The following SGCZ variants were observed in gnomAD, a reference collection of about 807,000 sequenced individuals.
The protein encoded by SGCZ is zeta-sarcoglycan.
Under a neutral mutation model 41.3 loss-of-function variants are expected in SGCZ, and 40 were observed. That is an observed-to-expected ratio of 0.97 (90% CI 0.75 to 1.26). SGCZ has a LOEUF of 1.26. SGCZ is among the 50% of genes most tolerant of loss of function. The pLI, the probability that SGCZ is intolerant of heterozygous loss-of-function variation, is 0.00. For synonymous variants in SGCZ, 206 were observed against 137.5 expected (o/e 1.50, Z -3.49); for missense variants, 552 against 369.8 (o/e 1.49, Z -4.04).
At chr8:14,947,845 T>C (rs940629334) in intron 1 of SGCZ, among the ~76,000 whole-genome samples, 10 of 152,200 alleles carry the variant, frequency 6.6e-5, no homozygotes, top group African/African-American at 1.4e-4. Context: ...GTTTGCCTTA[T>C]AGGCAGCTAC....
At chr8:14,290,376 A>C (rs548679863) in intron 3 of SGCZ, among the ~76,000 whole-genome samples, 1 of 152,262 alleles carries the variant, frequency 6.6e-6, no homozygotes, top group Non-Finnish European at 1.5e-5. Context: ...ACAGCAAGAA[A>C]ATAATGCACA....
intron 6 of SGCZ, among the ~76,000 whole-genome samples, chr8:14,104,313 A>G (rs1176276293): frequency 6.6e-6 from 1 of 152,146 alleles, no homozygotes; most frequent in East Asian, 1.9e-4. Flanking sequence ...ATTATGGCAG[A>G]GAGAAGGATA....
At chr8:14,490,906 T>A (rs1287163517) in intron 2 of SGCZ, among the ~76,000 whole-genome samples, 1 of 152,198 alleles carries the variant, frequency 6.6e-6, no homozygotes, top group East Asian at 1.9e-4. Context: ...GGAGCTAAAA[T>A]CTTAAGTGCT....
chr8:14,121,311 T>C (rs1802689133), intron 5 of SGCZ, among the ~76,000 whole-genome samples: 1 of 152,106 alleles, frequency 6.6e-6, no homozygotes, highest in Non-Finnish European at 1.5e-5. Flanking sequence ...ATAGCTGAGA[T>C]AAAATGTTAT....
At chr8:15,017,871 C>T (rs1803098047) in intron 1 of SGCZ, among the ~76,000 whole-genome samples, 1 of 152,106 alleles carries the variant, frequency 6.6e-6, no homozygotes, top group Non-Finnish European at 1.5e-5. Flanking sequence ...ACTGGTTTCT[C>T]ACAAATGCTC....
At position 14,086,509 on chromosome 8, in the gene SGCZ, A is replaced by G. The variant is rs1801526783; in HGVS notation, c.*3934T>C. Reference sequence around the variant, plus strand: ...AACAGTTCAGCAATTAACCTCTGTGATCACATTATCATTTCTTCAAAAGAT... The same window carrying G: ...AACAGTTCAGCAATTAACCTCTGTGGTCACATTATCATTTCTTCAAAAGAT... On this transcript the variant is annotated 3_prime_UTR_variant, in exon 8 of 8. Transcript: ENST00000382080. Among the ~76,000 whole-genome samples the G allele has an allele frequency of 1.3e-5, 2 of 151,762 alleles. No individual in the cohort carries two copies. The highest frequency in any genetic ancestry group is 3.0e-5 in the Non-Finnish European group (2 of 67,756).
intron 1 of SGCZ, among the ~76,000 whole-genome samples, chr8:14,581,810 A>T (rs79421683): frequency 0.021 from 3,232 of 152,070 alleles, 123 homozygotes; most frequent in African/African-American, 0.073. Flanking sequence ...AAACTGAAGT[A>T]TACTACTTCA....
intron 1 of SGCZ, among the ~76,000 whole-genome samples, chr8:14,800,636 C>T (rs1405081882): frequency 6.6e-6 from 1 of 152,052 alleles, no homozygotes; most frequent in Non-Finnish European, 1.5e-5. Flanking sequence ...GGTGTTTCCA[C>T]CTTCTCTCTT....
Position 14,371,399 on chromosome 8 carries a change from C to G in SGCZ, c.235-47195G>C, listed in dbSNP as rs142710258. The stretch of plus-strand genomic sequence containing the variant: ...AAGTGATAACATTTTCCGGTATTAG[C>G]AATAACCTTTGCTGTAACAATGACT... On this transcript the variant is annotated intron_variant, in intron 2 of 7. Transcript: ENST00000382080. Among the ~76,000 whole-genome samples the G allele has an allele frequency of 5.2e-3, 784 of 152,128 alleles. 7 individuals are homozygous for G. The highest frequency in any genetic ancestry group is 0.012 in the South Asian group (58 of 4,824).
chr8:14,850,612 A>C (rs543139819), intron 1 of SGCZ, among the ~76,000 whole-genome samples: 2 of 152,284 alleles, frequency 1.3e-5, no homozygotes, highest in East Asian at 3.9e-4. Context: ...GTGAAAAAGG[A>C]AAGAATTTAA....
At chr8:14,102,102 AT>A (rs1232335262) in intron 7 of SGCZ, among the ~76,000 whole-genome samples, 21,756 of 85,926 alleles carry the variant, frequency 0.25, 1,960 homozygotes, top group East Asian at 0.56. Context: ...ATATATATAT[AT>A]AATTTTTTTT....
chr8:14,827,966 T>C (rs1802392120), intron 1 of SGCZ, among the ~76,000 whole-genome samples: 1 of 152,194 alleles, frequency 6.6e-6, no homozygotes, highest in Non-Finnish European at 1.5e-5. Context: ...AGGCAAAGTG[T>C]TCAAAAATTT....
intron 3 of SGCZ, among the ~76,000 whole-genome samples, chr8:14,264,417 G>T (rs1799799232): frequency 6.6e-6 from 1 of 152,142 alleles, no homozygotes; most frequent in Admixed American, 6.5e-5. Context: ...ATCTTCCTCA[G>T]CCTCAGACAG....
chr8:14,631,563 A>T (rs1806655151), intron 1 of SGCZ, among the ~76,000 whole-genome samples: 1 of 152,128 alleles, frequency 6.6e-6, no homozygotes, highest in African/African-American at 2.4e-5. Context: ...ATGGATATGA[A>T]TAAAGTCTCA....
chr8:14,756,882 T>C (rs1799688520), intron 1 of SGCZ, among the ~76,000 whole-genome samples: 1 of 152,130 alleles, frequency 6.6e-6, no homozygotes, highest in Non-Finnish European at 1.5e-5. Context: ...ATCACAGTGG[T>C]AAGTATCACA....
intron 1 of SGCZ, among the ~76,000 whole-genome samples, chr8:15,005,588 T>C (rs1440907522): frequency 6.6e-6 from 1 of 151,050 alleles, no homozygotes; most frequent in African/African-American, 2.4e-5. Context: ...CACCTTGGCC[T>C]CCCAAAGTGC....
intron 1 of SGCZ, among the ~76,000 whole-genome samples, chr8:14,678,872 T>A (rs6996726): frequency 1.3e-5 from 2 of 152,204 alleles, no homozygotes; most frequent in Admixed American, 6.5e-5. Flanking sequence ...AATATCAAGC[T>A]ATGAAAAGAT....
At chr8:14,236,980 A>T (rs1296655879) in intron 4 of SGCZ, among the ~76,000 whole-genome samples, 1 of 152,038 alleles carries the variant, frequency 6.6e-6, no homozygotes, top group Non-Finnish European at 1.5e-5. Context: ...TCAACATCAA[A>T]TATAGAAGTA....
At chr8:14,270,494 A>G (rs1001116161) in intron 3 of SGCZ, among the ~76,000 whole-genome samples, 1 of 152,150 alleles carries the variant, frequency 6.6e-6, no homozygotes, top group African/African-American at 2.4e-5. Context: ...CTAAATCAAC[A>G]TGGCCCAAGC....
Sources: allele counts gnomAD v4.1 joint callset (sites outside exome capture counted in the v4.1 genomes callset), GRCh38; gene constraint gnomAD v4.1.1; transcripts MANE v1.5; gene names NCBI Gene and HGNC (gene_info 2026-07-23, HGNC 2026-07-21).